Variants in CNTNAP2 observed in about 807,000 individuals in gnomAD.
CNTNAP2 encodes the protein contactin associated protein 2, also known as contactin-associated protein-like 2.
A neutral mutation model predicts 155.2 loss-of-function variants in CNTNAP2; 98 were observed. The ratio of observed to expected loss-of-function variants is 0.63; its 90% CI spans 0.54 to 0.75. CNTNAP2 has a LOEUF of 0.75. Among genes scored for constraint, CNTNAP2 ranks in the 30% least tolerant of loss-of-function variants. The pLI, the probability that CNTNAP2 is intolerant of heterozygous loss-of-function variation, is 0.00. For missense variants in CNTNAP2, 1,727 were observed against 1,688.1 expected, an observed-to-expected ratio of 1.02 and a Z score of -0.40; for synonymous variants, 651 against 631.2, an observed-to-expected ratio of 1.03 and a Z score of -0.47.
At chr7:147,865,508 G>A (rs983884848) in intron 13 of CNTNAP2, among the ~76,000 whole-genome samples, 36 of 152,292 alleles carry the variant, frequency 2.4e-4, no homozygotes, top group Non-Finnish European at 5.1e-4. Flanking sequence ...AATGATACCA[G>A]CTCCTCTTTG....
chr7:147,786,464 G>A (rs1176325174), intron 13 of CNTNAP2, among the ~76,000 whole-genome samples: 1 of 152,156 alleles, frequency 6.6e-6, no homozygotes, highest in Non-Finnish European at 1.5e-5. Context: ...TTATACAAGG[G>A]CTTGAGGAGA....
chr7:148,050,545 A>C lies in CNTNAP2; in HGVS notation c.2384-67573A>C, dbSNP rs528277406. Among the ~76,000 whole-genome samples, 3 of 152,364 alleles carry C rather than the reference A, an allele frequency of 2.0e-5. No homozygotes were observed. The South Asian group carries it at 6.2e-4, about 32-fold the overall frequency. ...GTTAAAAGAAATTAAAAGTTTAGAA[A>C]GTAAAAAAAGTTACAGTAAACTAAT... On this transcript the variant is annotated intron_variant, in intron 15 of 23. Coordinates refer to ENST00000361727, the MANE Select transcript of CNTNAP2 (RefSeq NM_014141.6).
intron 1 of CNTNAP2, among the ~76,000 whole-genome samples, chr7:146,605,345 T>C (rs1799029213): frequency 6.6e-6 from 1 of 151,324 alleles, no homozygotes; most frequent in Non-Finnish European, 1.5e-5. Flanking sequence ...AATGAGGAAA[T>C]GGATTCAGAG....
intron 1 of CNTNAP2, among the ~76,000 whole-genome samples, chr7:146,307,818 C>T (rs1216092008): frequency 6.6e-6 from 1 of 152,100 alleles, no homozygotes; most frequent in East Asian, 1.9e-4. Context: ...ACACCTTATA[C>T]AGAAATTAAT....
chr7:146,279,429 A>AACACACACACACACAC (rs60178387), intron 1 of CNTNAP2, among the ~76,000 whole-genome samples: 1 of 144,612 alleles, frequency 6.9e-6, no homozygotes, highest in Non-Finnish European at 1.5e-5. Context: ...CATTTCCTTA[A>AACACACACACACACAC]ACACACACAC....
At chr7:147,773,112 C>T (rs1402918153) in intron 13 of CNTNAP2, among the ~76,000 whole-genome samples, 1 of 152,176 alleles carries the variant, frequency 6.6e-6, no homozygotes, top group East Asian at 1.9e-4. Flanking sequence ...TAGCAGAAGG[C>T]CTAGCATGCA....
At chr7:148,043,094 T>C (rs937260615) in intron 15 of CNTNAP2, among the ~76,000 whole-genome samples, 2 of 152,208 alleles carry the variant, frequency 1.3e-5, no homozygotes, top group Admixed American at 1.3e-4. Flanking sequence ...ACTACATCTC[T>C]GACATTTTGA....
chr7:148,140,155 C>T (rs557904682), intron 16 of CNTNAP2, among the ~76,000 whole-genome samples: 6 of 152,304 alleles, frequency 3.9e-5, no homozygotes, highest in African/African-American at 1.4e-4. Context: ...TACAGTCAAC[C>T]TCTCTATATA....
chr7:146,948,355 A>G (rs752229487), intron 3 of CNTNAP2, among the ~76,000 whole-genome samples: 28 of 152,326 alleles, frequency 1.8e-4, no homozygotes, highest in Non-Finnish European at 3.4e-4. Context: ...ATGATGTAAG[A>G]TAATTTTGTG....
chr7:147,081,367 A>C (rs1800121608), intron 4 of CNTNAP2: 1 of 151,988 alleles, frequency 6.6e-6, no homozygotes, highest in Admixed American at 6.6e-5. Flanking sequence ...GTCTACGCCA[A>C]AACCAAAACT....
rs377605103 is a variant in CNTNAP2 at position 146,874,233 on chromosome 7, C to T, written c.402+34329C>T. Among the ~76,000 whole-genome samples, 9 of 151,848 alleles carry T rather than the reference C, an allele frequency of 5.9e-5. No individual in the cohort carries two copies. The East Asian group carries it at 1.7e-3, about 29-fold the overall frequency. On this transcript the variant is annotated intron_variant, in intron 3 of 23. Transcript: ENST00000361727. ...GGAAAAGTTTATTAAAGTGAATTCA[C>T]CTAGGATAGAAAACAATATGGTATA...
At chr7:146,759,053 C>A (rs878988304) in intron 1 of CNTNAP2, among the ~76,000 whole-genome samples, 1 of 152,090 alleles carries the variant, frequency 6.6e-6, no homozygotes, top group Admixed American at 6.6e-5. Flanking sequence ...GTTGAAATGA[C>A]TTACTTTTTG....
chr7:147,925,426 T>A (rs1660169982), intron 14 of CNTNAP2, among the ~76,000 whole-genome samples: 1 of 151,962 alleles, frequency 6.6e-6, no homozygotes, highest in Admixed American at 6.6e-5. Flanking sequence ...ATCATTTACA[T>A]TGGGTTTACA....
chr7:147,600,982 G>A lies in CNTNAP2; in HGVS notation c.1898-38124G>A, dbSNP rs12531032. Among the ~76,000 whole-genome samples, 819 of 152,284 alleles carry A rather than the reference G, an allele frequency of 5.4e-3. 30 individuals carry two copies. The highest frequency in any genetic ancestry group is 0.038 in the Admixed American group (575 of 15,286). ...TTCTGGCATAATATAAGTATGAATT[G>A]TAATAATCCCCTGAACATTATTAGA... is the stretch of plus-strand genomic sequence containing the variant. On this transcript the variant is annotated intron_variant, in intron 12 of 23. Transcript: ENST00000361727.
At chr7:147,805,159 C>T (rs1336105171) in intron 13 of CNTNAP2, among the ~76,000 whole-genome samples, 1 of 151,786 alleles carries the variant, frequency 6.6e-6, no homozygotes, top group Non-Finnish European at 1.5e-5. Flanking sequence ...GCAACCTCCA[C>T]CACCCAGGTT....
At chr7:147,839,937 T>TACACACACACACAC (rs1283249034) in intron 13 of CNTNAP2, among the ~76,000 whole-genome samples, 23 of 94,672 alleles carry the variant, frequency 2.4e-4, no homozygotes, top group African/African-American at 7.3e-4. Flanking sequence ...TATATATATG[T>TACACACACACACAC]ATACACACAC....
chr7:146,548,340 A>G (rs915280452), intron 1 of CNTNAP2, among the ~76,000 whole-genome samples: 3 of 151,952 alleles, frequency 2.0e-5, no homozygotes, highest in Non-Finnish European at 4.4e-5. Flanking sequence ...GTGTATGTGT[A>G]CCACATTTTC....
chr7:146,955,900 A>G (rs1037122432), intron 3 of CNTNAP2, among the ~76,000 whole-genome samples: 3 of 152,118 alleles, frequency 2.0e-5, no homozygotes, highest in African/African-American at 4.8e-5. Flanking sequence ...TACTTACCGC[A>G]GTAAACGGTC....
intron 1 of CNTNAP2, among the ~76,000 whole-genome samples, chr7:146,462,064 G>C (rs1221933814): frequency 6.6e-6 from 1 of 152,052 alleles, no homozygotes; most frequent in Non-Finnish European, 1.5e-5. Context: ...ATTTGGCGTA[G>C]TGAAAAGACA....
Sources: gnomAD v4.1 joint callset for allele counts (sites outside exome capture counted in the v4.1 genomes callset) on GRCh38, gnomAD v4.1.1 for gene constraint, MANE v1.5 for transcripts, NCBI Gene and HGNC (gene_info 2026-07-23, HGNC 2026-07-21) for gene names.